Variants in FLRT2 observed in about 807,000 individuals in gnomAD.
FLRT2 encodes fibronectin leucine rich transmembrane protein 2.
Under a neutral mutation model 40.0 loss-of-function variants are expected in FLRT2, and 15 were observed. That is an observed-to-expected ratio of 0.38 (90% CI 0.25 to 0.58). The LOEUF (loss-of-function observed/expected upper bound fraction) is 0.58, where lower values mean the gene tolerates loss of function less well. Ranked by LOEUF, FLRT2 falls within the 20% of genes least tolerant of loss-of-function variation. The pLI, the probability that FLRT2 is intolerant of heterozygous loss-of-function variation, is 0.71. For synonymous variants in FLRT2, 380 were observed against 336.8 expected (o/e 1.13, Z -1.41); for missense variants, 726 against 840.0 (o/e 0.86, Z 1.68).
intron 1 of FLRT2, among the ~76,000 whole-genome samples, chr14:85,591,438 G>A (rs890254226): frequency 6.6e-6 from 1 of 152,170 alleles, no homozygotes; most frequent in Admixed American, 6.5e-5. Flanking sequence ...CATAGAAGCT[G>A]AGGACACATC....
rs998242529 is a variant in FLRT2 at position 85,654,203 on chromosome 14, T to G, written c.*30706T>G. The G allele has an allele frequency of 6.6e-6, 1 of 152,188 alleles. No homozygotes were observed. Among genetic ancestry groups the G allele is most frequent in the African/African-American group, 2.4e-5 (1 of 41,450 alleles). The allele number at this position is 152,188 out of a possible 1,614,324, so 9.4% of individuals were successfully genotyped here. ...TTTTTAATTGTGATTTGTTTATGACTAACAGCATGGATTTGAGACAGTTAT... is the reference window on the plus strand; with the variant it reads ...TTTTTAATTGTGATTTGTTTATGACGAACAGCATGGATTTGAGACAGTTAT... On this transcript the variant is annotated 3_prime_UTR_variant, in exon 2 of 2. Coordinates refer to ENST00000330753, the MANE Select transcript of FLRT2 (RefSeq NM_013231.6).
At chr14:85,585,742 A>G (rs952154341) in intron 1 of FLRT2, among the ~76,000 whole-genome samples, 8 of 152,072 alleles carry the variant, frequency 5.3e-5, no homozygotes, top group Non-Finnish European at 1.2e-4. Context: ...CTAAATCTAA[A>G]TGACAGGATA....
chr14:85,587,494 C>T (rs1891676626), intron 1 of FLRT2, among the ~76,000 whole-genome samples: 1 of 152,084 alleles, frequency 6.6e-6, no homozygotes, highest in Non-Finnish European at 1.5e-5. Context: ...ACAGAAAAAG[C>T]ATATTCAGTT....
At position 85,651,259 on chromosome 14, in the gene FLRT2, G is replaced by A. The variant is rs1000169563; in HGVS notation, c.*27762G>A. 4.4e-5 allele frequency: 3 copies of A among 67,784 alleles called. No homozygotes were observed. The highest frequency in any genetic ancestry group is 1.7e-4 in the Admixed American group (1 of 6,010). 4.2% of individuals were successfully genotyped at this position (67,784 alleles called of 1,614,324 possible). ...GACATAGCCTGGAAAGTATTCGTTT[G>A]TTTGTGTGTGTGTGTGTGTGTGTGT... On this transcript the variant is annotated 3_prime_UTR_variant, in exon 2 of 2. Transcript: ENST00000330753.
chr14:85,597,948 T>C (rs1892215467), intron 1 of FLRT2, among the ~76,000 whole-genome samples: 1 of 152,218 alleles, frequency 6.6e-6, no homozygotes, highest in African/African-American at 2.4e-5. Context: ...AGTGGTTTAT[T>C]TACAGTCAGA....
At chr14:85,590,904 T>C (rs1182603670) in intron 1 of FLRT2, among the ~76,000 whole-genome samples, 1 of 152,130 alleles carries the variant, frequency 6.6e-6, no homozygotes, top group East Asian at 1.9e-4. Flanking sequence ...TTTAAATTGC[T>C]CACCTCTCTT....
In FLRT2 at chr14:85,653,621, C is replaced by A. The variant is rs1393498669; in HGVS notation, c.*30124C>A. The stretch of plus-strand genomic sequence containing the variant: ...AGAAACCCTGGTCCAAGCGAACTGT[C>A]TCCTTCACCAAAGCCACCTTGGAGA... On this transcript the variant is annotated 3_prime_UTR_variant, in exon 2 of 2. Coordinates refer to ENST00000330753, the MANE Select transcript of FLRT2 (RefSeq NM_013231.6). The A allele has an allele frequency of 6.6e-6, 1 of 152,222 alleles. No individual in the cohort carries two copies. Among genetic ancestry groups the A allele is most frequent in the Non-Finnish European group, 1.5e-5 (1 of 68,062 alleles). 9.4% of individuals were successfully genotyped at this position (152,222 alleles called of 1,614,324 possible). A position where few individuals can be genotyped will look rare whatever the true frequency, so the allele number is the denominator to read the frequency against.
At chr14:85,572,606 C>T (rs1262691335) in intron 1 of FLRT2, among the ~76,000 whole-genome samples, 1 of 152,236 alleles carries the variant, frequency 6.6e-6, no homozygotes, top group African/African-American at 2.4e-5. Flanking sequence ...TTTTATAGCT[C>T]ATTTTTCCTG....
chr14:85,584,692 G>A (rs1417729599), intron 1 of FLRT2, among the ~76,000 whole-genome samples: 2 of 152,158 alleles, frequency 1.3e-5, no homozygotes, highest in Non-Finnish European at 2.9e-5. Flanking sequence ...CCCTGCAGAT[G>A]CAGAACCCTG....
At chr14:85,594,977 A>T (rs932466621) in intron 1 of FLRT2, among the ~76,000 whole-genome samples, 1 of 152,216 alleles carries the variant, frequency 6.6e-6, no homozygotes, top group African/African-American at 2.4e-5. Context: ...TTACTTAAGT[A>T]AATGTATTAA....
At chr14:85,533,291 G>C (rs989145078) in intron 1 of FLRT2, among the ~76,000 whole-genome samples, 42 of 151,964 alleles carry the variant, frequency 2.8e-4, no homozygotes, top group Non-Finnish European at 5.3e-4. Flanking sequence ...GGGGTGTCAG[G>C]AGGGGTAGGG....
chr14:85,583,739 G>A (rs1436872503), intron 1 of FLRT2, among the ~76,000 whole-genome samples: 1 of 152,180 alleles, frequency 6.6e-6, no homozygotes, highest in Non-Finnish European at 1.5e-5. Flanking sequence ...AGAAAGAGCA[G>A]AGGCAGAAGC....
intron 1 of FLRT2, among the ~76,000 whole-genome samples, chr14:85,579,925 A>ATTT (rs4015970): frequency 0.53 from 62,283 of 117,164 alleles, 16,935 homozygotes; most frequent in Non-Finnish European, 0.56. Flanking sequence ...GGGTATTAGA[A>ATTT]TTTTTTTTTT....
At chr14:85,545,801 C>T (rs1889248733) in intron 1 of FLRT2, among the ~76,000 whole-genome samples, 1 of 152,128 alleles carries the variant, frequency 6.6e-6, no homozygotes, top group African/African-American at 2.4e-5. Context: ...TCCATTTTTT[C>T]CCCTTACCCT....
In FLRT2 at chr14:85,634,091, C is replaced by T. The variant is rs1391185094; in HGVS notation, c.*10594C>T. 1 of 152,166 alleles carries T rather than the reference C, an allele frequency of 6.6e-6. No individual in the cohort carries two copies. The highest frequency in any genetic ancestry group is 6.5e-5 in the Admixed American group (1 of 15,270). The allele number at this position is 152,166 out of a possible 1,614,324, so 9.4% of individuals were successfully genotyped here. On this transcript the variant is annotated 3_prime_UTR_variant, in exon 2 of 2. Coordinates refer to ENST00000330753, the MANE Select transcript of FLRT2 (RefSeq NM_013231.6). Reference sequence around the variant, plus strand: ...GCATGCATCCTCTTCAGCTGGATCACGTTGTTTTCTTTCTGTACACTTTGT... The same window carrying T: ...GCATGCATCCTCTTCAGCTGGATCATGTTGTTTTCTTTCTGTACACTTTGT...
At chr14:85,576,125 G>A (rs112409047) in intron 1 of FLRT2, among the ~76,000 whole-genome samples, 25 of 152,282 alleles carry the variant, frequency 1.6e-4, no homozygotes, top group African/African-American at 6.0e-4. Flanking sequence ...CCACGACCAA[G>A]CATGAGGTAA....
chr14:85,533,289 A>G (rs1470720386), intron 1 of FLRT2, among the ~76,000 whole-genome samples: 1 of 141,052 alleles, frequency 7.1e-6, no homozygotes, highest in Non-Finnish European at 1.6e-5. Flanking sequence ...CGGGGGTGTC[A>G]GGAGGGGTAG....
At chr14:85,588,715 C>A (rs1891749525) in intron 1 of FLRT2, among the ~76,000 whole-genome samples, 1 of 152,008 alleles carries the variant, frequency 6.6e-6, no homozygotes, top group Non-Finnish European at 1.5e-5. Flanking sequence ...TTATTTGTTC[C>A]TTTTATTTTT....
rs1385041354 is a variant in FLRT2 at position 85,650,116 on chromosome 14, G to C, written c.*26619G>C. 2.6e-5 allele frequency: 4 copies of C among 151,916 alleles called. No individual in the cohort carries two copies. Among genetic ancestry groups the C allele is most frequent in the African/African-American group, 9.7e-5 (4 of 41,380 alleles). The allele number at this position is 151,916 out of a possible 1,614,324, so 9.4% of individuals were successfully genotyped here. A position where few individuals can be genotyped will look rare whatever the true frequency, so the allele number is the denominator to read the frequency against. ...CCTCACCTGTCACACTATCCTCTTT[G>C]CTTTGTCAAATACTTACTACGTTCA... is the stretch of plus-strand genomic sequence containing the variant. On this transcript the variant is annotated 3_prime_UTR_variant, in exon 2 of 2. Coordinates refer to ENST00000330753, the MANE Select transcript of FLRT2 (RefSeq NM_013231.6).
Sources: gnomAD v4.1 joint callset for allele counts (sites outside exome capture counted in the v4.1 genomes callset) on GRCh38, gnomAD v4.1.1 for gene constraint, MANE v1.5 for transcripts, NCBI Gene and HGNC (gene_info 2026-07-23, HGNC 2026-07-21) for gene names.